USP32: variants seen among roughly 807,000 people sequenced by gnomAD.
USP32 encodes ubiquitin specific peptidase 32, also known as ubiquitin carboxyl-terminal hydrolase 32.
In USP32, 59 loss-of-function variants were observed where a neutral mutation model predicts 204.8. The observed-to-expected ratio is 0.29, with a 90% CI of 0.23 to 0.36. The LOEUF is 0.36. USP32 is among the 10% of genes least tolerant of loss of function. USP32 has a pLI of 1.00. For synonymous variants in USP32, 517 were observed against 678.4 expected (o/e 0.76, Z 3.70); for missense variants, 1,160 against 1,946.4 (o/e 0.60, Z 7.60).
chr17:60,268,219 T>C (rs2145777280), intron 7 of USP32, among the ~76,000 whole-genome samples: 1 of 152,176 alleles, frequency 6.6e-6, no homozygotes, highest in South Asian at 2.1e-4. Context: ...CTTCCATTAG[T>C]TCATCAGCAA....
At chr17:60,196,983 C>G (rs577154854) in intron 27 of USP32, among the ~76,000 whole-genome samples, 11 of 151,206 alleles carry the variant, frequency 7.3e-5, no homozygotes, top group Admixed American at 2.0e-4. Context: ...GAGTTCGAGA[C>G]CAGCCTGGCC....
At chr17:60,234,403 A>G (rs994127829) in intron 12 of USP32, among the ~76,000 whole-genome samples, 9 of 146,204 alleles carry the variant, frequency 6.2e-5, no homozygotes, top group South Asian at 2.4e-4. Context: ...GTGAGCCACC[A>G]CACCCGGCTC....
intron 1 of USP32, among the ~76,000 whole-genome samples, chr17:60,390,003 C>T (rs1240071399): frequency 1.3e-5 from 2 of 151,772 alleles, no homozygotes; most frequent in East Asian, 3.9e-4. Context: ...GGCAACAGAG[C>T]AAGACTCGTC....
At chr17:60,373,324 TCCTAGCCCTAGGACATTACCATGGA>T (rs1244487467) in intron 1 of USP32, among the ~76,000 whole-genome samples, 1 of 152,130 alleles carries the variant, frequency 6.6e-6, no homozygotes, top group Non-Finnish European at 1.5e-5. Context: ...AATGTTGAAG[TCCTAGCCCTAGGACATTACCATGGA>T]GTACTGCAGT....
chr17:60,180,743 T>C (rs2084087402), intron 32 of USP32, 106 bp from the exon 33 acceptor site: 30 of 1,171,158 alleles, frequency 2.6e-5, no homozygotes, highest in Non-Finnish European at 3.5e-5. Flanking sequence ...AAATGATCAG[T>C]AGGTGAAAAA....
At chr17:60,343,805 G>A (rs1307148169) in intron 2 of USP32, among the ~76,000 whole-genome samples, 2 of 152,200 alleles carry the variant, frequency 1.3e-5, no homozygotes, top group African/African-American at 4.8e-5. Context: ...GCCAAGGCGG[G>A]TAGGTCACCT....
chr17:60,201,986 A>T (rs1048912940), intron 26 of USP32, among the ~76,000 whole-genome samples: 28 of 152,084 alleles, frequency 1.8e-4, no homozygotes, highest in African/African-American at 6.8e-4. Context: ...AGTCCAATTT[A>T]ATCTTTTCTT....
intron 16 of USP32, among the ~76,000 whole-genome samples, 184 bp from the exon 17 acceptor site, chr17:60,214,958 T>C (rs889646778): frequency 7.9e-5 from 12 of 151,352 alleles, no homozygotes; most frequent in Non-Finnish European, 1.8e-4. Context: ...AAGTTCTTTT[T>C]GTTTGTTTGT....
chr17:60,326,904 C>T (rs761344044), intron 2 of USP32, among the ~76,000 whole-genome samples: 17 of 152,096 alleles, frequency 1.1e-4, no homozygotes, highest in Non-Finnish European at 2.2e-4. Context: ...AGTTCTCAGT[C>T]TTACGTAGAT....
chr17:60,406,665 G>A (rs1598320926), intron 1 of USP32, among the ~76,000 whole-genome samples: 1 of 151,916 alleles, frequency 6.6e-6, no homozygotes, highest in Middle Eastern at 3.4e-3. Flanking sequence ...ACAGGCACGC[G>A]CCACCACGCC....
rs2086191112 is a variant in USP32, at chr17:60,252,377, T to G, written c.1136+4A>C. On this transcript the variant is annotated splice_donor_region_variant and intron_variant, in intron 11 of 33. Transcript: ENST00000300896. Reference sequence around the variant, plus strand: ...CAACTATATAATTGAAACTACAAATTTACCTAATAATTTGTCCTTCTTCTT... The same window carrying G: ...CAACTATATAATTGAAACTACAAATGTACCTAATAATTTGTCCTTCTTCTT... The G allele has an allele frequency of 6.2e-7, 1 of 1,607,172 alleles. No individual in the cohort carries two copies. Among genetic ancestry groups the G allele is most frequent in the Non-Finnish European group, 8.5e-7 (1 of 1,176,496 alleles).
At chr17:60,218,533 T>G (rs1309901407) in intron 16 of USP32, among the ~76,000 whole-genome samples, 1 of 152,084 alleles carries the variant, frequency 6.6e-6, no homozygotes, top group Non-Finnish European at 1.5e-5. Flanking sequence ...GCATACTAAG[T>G]TATTTAAATT....
intron 33 of USP32, among the ~76,000 whole-genome samples, chr17:60,179,958 C>T (rs2084060522): frequency 6.6e-6 from 1 of 152,166 alleles, no homozygotes; most frequent in Non-Finnish European, 1.5e-5. Context: ...GCGTGAGCCA[C>T]CGTGTTCGGC....
chr17:60,220,863 T>C (rs1054548494), intron 15 of USP32, among the ~76,000 whole-genome samples: 4 of 151,912 alleles, frequency 2.6e-5, no homozygotes, highest in South Asian at 4.2e-4. Context: ...TTAGCCAAGA[T>C]GGTCTCGATC....
intron 28 of USP32, among the ~76,000 whole-genome samples, chr17:60,191,557 T>A (rs1289270271): frequency 6.6e-6 from 1 of 151,264 alleles, no homozygotes; most frequent in Non-Finnish European, 1.5e-5. Context: ...TCGCCCAGGC[T>A]GGAGTGCAGT....
rs141481291 is a variant in USP32 at position 60,302,113 on chromosome 17, GTTTATTTA to G, written c.187-417_187-410del. On this transcript the variant is annotated intron_variant, in intron 2 of 33. Transcript: ENST00000300896. ...GCACATATATATAAATATTTTGTTT[GTTTATTTA>G]TTTATTTATTTATTTATTTATTTAT... 4.6e-3 allele frequency among the ~76,000 whole-genome samples: 645 copies of G among 141,588 alleles called. 6 individuals are homozygous for G. The highest frequency in any genetic ancestry group is 0.024 in the South Asian group (106 of 4,488). 92.9% of individuals were successfully genotyped at this position (141,588 alleles called of 152,430 possible). A position where few individuals can be genotyped will look rare whatever the true frequency, so the allele number is the denominator to read the frequency against.
intron 2 of USP32, among the ~76,000 whole-genome samples, chr17:60,330,698 C>T (rs2088359323): frequency 6.6e-6 from 1 of 152,076 alleles, no homozygotes; most frequent in South Asian, 2.1e-4. Context: ...AGACACATAT[C>T]ATCACACCTG....
chr17:60,306,843 G>GA (rs1259521199), intron 2 of USP32, among the ~76,000 whole-genome samples: 2 of 151,900 alleles, frequency 1.3e-5, no homozygotes, highest in African/African-American at 4.8e-5. Context: ...TTGCAGGATA[G>GA]AAAATCAAAA....
intron 30 of USP32, among the ~76,000 whole-genome samples, chr17:60,183,681 A>G (rs1271215338): frequency 6.6e-6 from 1 of 152,274 alleles, no homozygotes; most frequent in Non-Finnish European, 1.5e-5. Context: ...AGTGTGGCAC[A>G]GCCACGTGAC....
Sources: allele counts gnomAD v4.1 joint callset (sites outside exome capture counted in the v4.1 genomes callset), GRCh38; gene constraint gnomAD v4.1.1; transcripts MANE v1.5; gene names NCBI Gene and HGNC (gene_info 2026-07-23, HGNC 2026-07-21).